Variants in CDH23 observed in about 807,000 individuals in gnomAD.
CDH23 encodes the protein cadherin-23.
CDH23 carries 189 observed loss-of-function variants against 317.1 expected under a neutral mutation model. The observed-to-expected ratio is 0.60, with a 90% CI of 0.53 to 0.67. CDH23 has a LOEUF of 0.67. Among genes scored for constraint, CDH23 ranks in the 30% least tolerant of loss-of-function variants. The probability of loss-of-function intolerance (pLI) is 0.00; values close to 1 mark genes in which losing one functional copy is unlikely to be tolerated. For synonymous variants in CDH23, 1,839 were observed against 1,876.8 expected (o/e 0.98, Z 0.52); for missense variants, 4,401 against 4,592.4 (o/e 0.96, Z 1.20).
In CDH23 at chr10:71,813,238, C is replaced by T. The variant is rs1038274056; in HGVS notation, c.9634-6C>T. ...TTGGTGGGGGTTAACCCTTTCCCTC[C>T]CCCAGGGCTCGCTGCTGAAGGTGGT... On this transcript the variant is annotated splice_polypyrimidine_tract_variant and splice_region_variant and intron_variant, in intron 68 of 69. Coordinates refer to ENST00000224721, the MANE Select transcript of CDH23 (RefSeq NM_022124.6). 1 of 1,551,438 alleles carries T rather than the reference C, an allele frequency of 6.4e-7. No homozygotes were observed. Among genetic ancestry groups the T allele is most frequent in the Non-Finnish European group, 8.7e-7 (1 of 1,146,888 alleles).
At chr10:71,811,782 G>C in intron 65 of CDH23, 29 bp downstream of exon 65, 1 of 1,561,664 alleles carries the variant, frequency 6.4e-7, no homozygotes, top group Non-Finnish European at 8.7e-7. Flanking sequence ...GGGGACACAG[G>C]TGAGAAGGCA....
intron 11 of CDH23, among the ~76,000 whole-genome samples, chr10:71,618,421 C>A (rs1021354523): frequency 2.0e-5 from 3 of 152,226 alleles, no homozygotes; most frequent in Admixed American, 2.0e-4. Flanking sequence ...CCCTTCAGGA[C>A]CCTCTCAGCC....
Position 71,405,784 on chromosome 10 carries a change from G to T in CDH23, c.-6+8466G>T, listed in dbSNP as rs74957673. Among the ~76,000 whole-genome samples, 1,489 of 152,196 alleles carry T rather than the reference G, an allele frequency of 9.8e-3. 46 individuals are homozygous for T. The highest frequency in any genetic ancestry group is 0.075 in the East Asian group (386 of 5,162). ...AACCAGAACATAACTGGGTGGTGGG[G>T]TGGGGGATCCTTCCAAACCCATCCT... On this transcript the variant is annotated intron_variant, in intron 1 of 69. Transcript: ENST00000224721.
chr10:71,720,074 G>A (rs978284007), intron 28 of CDH23, among the ~76,000 whole-genome samples: 16 of 152,308 alleles, frequency 1.1e-4, no homozygotes, highest in Admixed American at 3.3e-4. Flanking sequence ...TGGTATGGTC[G>A]GCGGCAGCCA....
intron 68 of CDH23, among the ~76,000 whole-genome samples, 167 bp downstream of exon 68, chr10:71,813,057 G>A (rs1841996424): frequency 1.3e-5 from 2 of 152,146 alleles, no homozygotes; most frequent in Admixed American, 6.5e-5. Flanking sequence ...TGGCCTTAAG[G>A]GCAGGGCTCA....
At chr10:71,685,217 G>A (rs1259697868) in intron 18 of CDH23, among the ~76,000 whole-genome samples, 1 of 152,172 alleles carries the variant, frequency 6.6e-6, no homozygotes, top group Non-Finnish European at 1.5e-5. Flanking sequence ...GGCAGGGCTG[G>A]GATTCTGTGT....
At position 71,682,688 on chromosome 10, in the gene CDH23, G is replaced by C; in HGVS notation, c.1986+116G>C. ...ACCTCCTTGGCTGTCCCTGCACCTT[G>C]GGGAGTTTACCCAGCCATCTGTCCC... is the stretch of plus-strand genomic sequence containing the variant. On this transcript the variant is annotated intron_variant, in intron 18 of 69. Transcript: ENST00000224721. 8 of 1,346,360 alleles carry C rather than the reference G, an allele frequency of 5.9e-6. No individual in the cohort carries two copies. The South Asian group carries it at 1.1e-4, about 18-fold the overall frequency. 83.4% of individuals were successfully genotyped at this position (1,346,360 alleles called of 1,614,324 possible).
Position 71,706,915 on chromosome 10 carries a change from A to C in CDH23, c.2972A>C (p.Glu991Ala). The part of the protein sequence containing the change: ...LTIHVLDVND[E>A]TPTFFPAVYN... ...CCCGCAGTGCTGGATGTGAACGACGAGACGCCCACCTTCTTCCCGGCCGTG... is the reference window on the plus strand; with the variant it reads ...CCCGCAGTGCTGGATGTGAACGACGCGACGCCCACCTTCTTCCCGGCCGTG... The change falls in exon 26 of 70, where the codon GAG becomes GCG. Residue 991 changes from glutamate (E) to alanine (A), a missense_variant. Glu to Ala is a moderately radical substitution (Grantham distance 107). Around this residue, in one of 3 missense-constraint regions of CDH23, gnomAD observed 3,068 missense variants for 3,203.3 expected, o/e 0.96. Transcript: ENST00000224721. 1 of 1,603,640 alleles carries C rather than the reference A, an allele frequency of 6.2e-7. No homozygotes were observed. The highest frequency in any genetic ancestry group is 8.5e-7 in the Non-Finnish European group (1 of 1,175,552).
chr10:71,715,964 C>T (rs1866201235), intron 28 of CDH23: 4 of 1,481,548 alleles, frequency 2.7e-6, no homozygotes, highest in Non-Finnish European at 3.6e-6. Context: ...CATGTAGTCA[C>T]AGTGGCTGCG....
intron 9 of CDH23, among the ~76,000 whole-genome samples, chr10:71,589,294 A>AT (rs1211920536): frequency 6.6e-6 from 1 of 152,032 alleles, no homozygotes; most frequent in Non-Finnish European, 1.5e-5. Context: ...TAATTTTTGT[A>AT]TTTTTAGTAG....
At chr10:71,574,573 T>C (rs1354911595) in intron 8 of CDH23, among the ~76,000 whole-genome samples, 1 of 152,078 alleles carries the variant, frequency 6.6e-6, no homozygotes, top group Non-Finnish European at 1.5e-5. Context: ...AAGCTGCACG[T>C]TCACCTTTCA....
chr10:71,715,920 G>A (rs1324465074), intron 28 of CDH23: 3 of 1,449,804 alleles, frequency 2.1e-6, no homozygotes, highest in East Asian at 5.1e-5. Flanking sequence ...GTGGGGGCAT[G>A]TTTGTGGACA....
intron 3 of CDH23, among the ~76,000 whole-genome samples, chr10:71,479,133 G>A (rs1163382673): frequency 1.3e-5 from 2 of 152,166 alleles, no homozygotes; most frequent in Non-Finnish European, 2.9e-5. Context: ...GAGAGGTTAA[G>A]TGCCCTGACC....
intron 38 of CDH23, among the ~76,000 whole-genome samples, chr10:71,759,886 T>TATATATACACACACACAC (rs1564779254): frequency 5.1e-5 from 3 of 58,578 alleles, no homozygotes; most frequent in African/African-American, 9.9e-5. Flanking sequence ...CACACACACA[T>TATATATACACACACACAC]ATACACACAC....
chr10:71,804,074 T>C (rs974918081), intron 55 of CDH23, among the ~76,000 whole-genome samples: 2 of 152,112 alleles, frequency 1.3e-5, no homozygotes, highest in East Asian at 3.8e-4. Context: ...GTAAGTCTGT[T>C]TTCTGTACGT....
At chr10:71,643,740 G>A in intron 11 of CDH23, 121 bp from the exon 12 acceptor site, 2 of 698,024 alleles carry the variant, frequency 2.9e-6, no homozygotes, top group South Asian at 3.2e-5. Flanking sequence ...GTGATCCTGG[G>A]GTCCCTCCCA....
At chr10:71,476,425 G>T (rs921271582) in intron 3 of CDH23, among the ~76,000 whole-genome samples, 1 of 152,178 alleles carries the variant, frequency 6.6e-6, no homozygotes, top group African/African-American at 2.4e-5. Context: ...ACATGCTCAA[G>T]GTCACATGGC....
At chr10:71,736,360 T>G (rs954450198) in intron 34 of CDH23, among the ~76,000 whole-genome samples, 1 of 152,170 alleles carries the variant, frequency 6.6e-6, no homozygotes, top group Non-Finnish European at 1.5e-5. Flanking sequence ...TTTCCTCTGC[T>G]AGGCCGGAAC....
At chr10:71,712,906 C>T (rs1300831560) in intron 28 of CDH23, 93 bp downstream of exon 28, 5 of 1,466,260 alleles carry the variant, frequency 3.4e-6, no homozygotes, top group African/African-American at 2.8e-5. Context: ...GCACCAGAGG[C>T]GGAAGCAGGT....
Sources: allele counts gnomAD v4.1 joint callset (sites outside exome capture counted in the v4.1 genomes callset), GRCh38; gene constraint gnomAD v4.1.1; regional missense constraint gnomAD v4.1.1; transcripts MANE v1.5; gene names NCBI Gene and HGNC (gene_info 2026-07-23, HGNC 2026-07-21).